The following TTC7B variants were observed in gnomAD, a reference collection of about 807,000 sequenced individuals.
The protein encoded by TTC7B is tetratricopeptide repeat protein 7B.
In TTC7B, 28 loss-of-function variants were observed where a neutral mutation model predicts 106.8. That is an observed-to-expected ratio of 0.26 (90% CI 0.19 to 0.36). The LOEUF (loss-of-function observed/expected upper bound fraction) is 0.36, where lower values mean the gene tolerates loss of function less well. TTC7B is among the 10% of genes least tolerant of loss of function. The pLI is 1.00. For missense variants in TTC7B, 862 were observed against 1,076.4 expected, an observed-to-expected ratio of 0.80 and a Z score of 2.79; for synonymous variants, 405 against 430.6, an observed-to-expected ratio of 0.94 and a Z score of 0.74.
chr14:90,599,660 G>A lies in TTC7B; in HGVS notation c.1967-6034C>T, dbSNP rs144769622. Among the ~76,000 whole-genome samples the A allele has an allele frequency of 8.8e-3, 1,347 of 152,280 alleles. 10 individuals carry two copies. The highest frequency in any genetic ancestry group is 0.015 in the Non-Finnish European group (1,005 of 68,024). On this transcript the variant is annotated intron_variant, in intron 17 of 19. Transcript: ENST00000328459. ...CATTCTTTCTGCCTAATGCTGCAGC[G>A]GCAGACACCTGCCCTCCCCACATTT...
intron 4 of TTC7B, among the ~76,000 whole-genome samples, chr14:90,734,364 G>A (rs1889437212): frequency 6.7e-6 from 1 of 150,346 alleles, no homozygotes; most frequent in South Asian, 2.1e-4. Flanking sequence ...AGAATGCAGT[G>A]AGCCAAGATT....
At chr14:90,556,173 G>T (rs1890296600) in intron 19 of TTC7B, among the ~76,000 whole-genome samples, 1 of 152,238 alleles carries the variant, frequency 6.6e-6, no homozygotes, top group Admixed American at 6.5e-5. Context: ...CGCTGGCTGG[G>T]TGGGGGCCCC....
intron 1 of TTC7B, among the ~76,000 whole-genome samples, chr14:90,790,772 G>A (rs1891560651): frequency 1.3e-5 from 2 of 152,044 alleles, no homozygotes; most frequent in African/African-American, 2.4e-5. Context: ...ACAGACTGTG[G>A]GCTAGAGCTA....
At chr14:90,669,034 A>C (rs1156509960) in intron 9 of TTC7B, among the ~76,000 whole-genome samples, 1 of 152,136 alleles carries the variant, frequency 6.6e-6, no homozygotes, top group African/African-American at 2.4e-5. Context: ...AAAGGAACAG[A>C]ATTAAGATTC....
chr14:90,550,220 A>G (rs1890018575), intron 19 of TTC7B, among the ~76,000 whole-genome samples: 2 of 152,188 alleles, frequency 1.3e-5, no homozygotes, highest in Non-Finnish European at 2.9e-5. Flanking sequence ...ACAAGAGACC[A>G]CCAACCACAG....
chr14:90,721,316 A>G (rs1014981335), intron 5 of TTC7B, among the ~76,000 whole-genome samples: 1 of 152,170 alleles, frequency 6.6e-6, no homozygotes, highest in African/African-American at 2.4e-5. Context: ...TGTGAAGTAC[A>G]CTGAAAGTAA....
rs1179126428 is a variant in TTC7B at position 90,605,833 on chromosome 14, G to A, written c.1966+4909C>T. On this transcript the variant is annotated intron_variant, in intron 17 of 19. Transcript: ENST00000328459. ...GAAACACAAAGAAAAAAATAAACTC[G>A]CTTTTAATATACTCACATAAGCTGC... 8.2e-6 allele frequency: 9 copies of A among 1,092,948 alleles called. No homozygotes were observed. In the South Asian group the frequency reaches 1.0e-4, roughly 12 times the overall value. The allele number at this position is 1,092,948 out of a possible 1,614,324, so 67.7% of individuals were successfully genotyped here. A position where few individuals can be genotyped will look rare whatever the true frequency, so the allele number is the denominator to read the frequency against.
At position 90,525,596 on chromosome 14, in the gene TTC7B, A is replaced by G. The variant is rs1408911861; in HGVS notation, c.*15772T>C. The G allele has an allele frequency of 6.6e-6, 1 of 150,910 alleles. No homozygotes were observed. Among genetic ancestry groups the G allele is most frequent in the African/African-American group, 2.4e-5 (1 of 41,072 alleles). 9.3% of individuals were successfully genotyped at this position (150,910 alleles called of 1,614,324 possible). On this transcript the variant is annotated 3_prime_UTR_variant, in exon 20 of 20. Coordinates refer to ENST00000328459, the MANE Select transcript of TTC7B (RefSeq NM_001010854.2). ...GGGGTCGATCTGTGCAGACGCTGCT[A>G]GTGGTTCCGCAGTCGTCGCTGGGTC...
intron 1 of TTC7B, among the ~76,000 whole-genome samples, chr14:90,791,443 G>A (rs1279763332): frequency 1.3e-5 from 2 of 152,180 alleles, no homozygotes; most frequent in African/African-American, 4.8e-5. Context: ...GTCATTGCCT[G>A]TGGCAGAGTC....
intron 5 of TTC7B, among the ~76,000 whole-genome samples, chr14:90,715,317 T>C (rs1888611518): frequency 6.6e-6 from 1 of 152,206 alleles, no homozygotes; most frequent in Admixed American, 6.5e-5. Context: ...GGGTCTGCTC[T>C]CTAGTCGCTG....
chr14:90,749,692 AC>A (rs1186274004), intron 3 of TTC7B, among the ~76,000 whole-genome samples: 2 of 152,192 alleles, frequency 1.3e-5, no homozygotes, highest in Non-Finnish European at 2.9e-5. Flanking sequence ...GGCATGAGCC[AC>A]CGCACCTGGC....
intron 19 of TTC7B, among the ~76,000 whole-genome samples, chr14:90,561,612 A>G (rs1488639580): frequency 6.6e-6 from 1 of 152,256 alleles, no homozygotes; most frequent in Non-Finnish European, 1.5e-5. Flanking sequence ...TACAGAAAGA[A>G]AAACTGAGGC....
Position 90,802,195 on chromosome 14 carries a change from A to G in TTC7B, c.121+13980T>C, listed in dbSNP as rs2140057566. Among the ~76,000 whole-genome samples the G allele has an allele frequency of 6.6e-6, 1 of 152,250 alleles. No homozygotes were observed. Among genetic ancestry groups the G allele is most frequent in the South Asian group, 2.1e-4 (1 of 4,822 alleles). Reference sequence around the variant, plus strand: ...GCCTCGACGTGAGGCATCTCAGGGGACTGCGGGGTACAAGCCTAACTCACT... The same window carrying G: ...GCCTCGACGTGAGGCATCTCAGGGGGCTGCGGGGTACAAGCCTAACTCACT... On this transcript the variant is annotated intron_variant, in intron 1 of 19. Transcript: ENST00000328459. The surrounding 1 kb of genome is among the most constrained non-coding windows in gnomAD (Gnocchi z 4.7).
chr14:90,712,970 T>C (rs1888505918), intron 5 of TTC7B, among the ~76,000 whole-genome samples: 1 of 152,094 alleles, frequency 6.6e-6, no homozygotes, highest in African/African-American at 2.4e-5. Flanking sequence ...AACCTTTATG[T>C]TTATGTTAAA....
chr14:90,694,975 G>A (rs1887652121), intron 6 of TTC7B, among the ~76,000 whole-genome samples: 2 of 133,128 alleles, frequency 1.5e-5, no homozygotes, highest in Non-Finnish European at 1.6e-5. Flanking sequence ...TATAATATAT[G>A]TCACATATAT....
chr14:90,620,072 G>A (rs575885167), intron 15 of TTC7B, among the ~76,000 whole-genome samples: 9 of 152,128 alleles, frequency 5.9e-5, no homozygotes, highest in African/African-American at 1.7e-4. Context: ...CGCCCCCAGC[G>A]ACCCCTCCAA....
chr14:90,749,492 A>G lies in TTC7B; in HGVS notation c.446-4570T>C, dbSNP rs191929845. 2.1e-3 allele frequency among the ~76,000 whole-genome samples: 297 copies of G among 141,968 alleles called. 5 individuals carry two copies. Among genetic ancestry groups the G allele is most frequent in the African/African-American group, 7.6e-3 (289 of 37,986 alleles). 93.1% of individuals were successfully genotyped at this position (141,968 alleles called of 152,430 possible). ...GCAATCTCAGCTCACTGCAACCTCC[A>G]CCTCCCAGGTTCAAGTGATTCTCCT... On this transcript the variant is annotated intron_variant, in intron 3 of 19. Coordinates refer to ENST00000328459, the MANE Select transcript of TTC7B (RefSeq NM_001010854.2).
In TTC7B at chr14:90,578,297, T is replaced by C. The variant is rs545364336; in HGVS notation, c.2119A>G (p.Ile707Val). 6 of 1,613,948 alleles carry C rather than the reference T, an allele frequency of 3.7e-6. No individual in the cohort carries two copies. In the African/African-American group the frequency reaches 6.7e-5, roughly 18 times the overall value. Reference sequence around the variant, plus strand: ...GCTTCTGCAGGCTTCCCGATGCCGATATAGACTTCAGCTGTGAGGAGACAG... The same window carrying C: ...GCTTCTGCAGGCTTCCCGATGCCGACATAGACTTCAGCTGTGAGGAGACAG... ...QIWLHAAEVYIGIGKPAEATA... is the reference protein window; with the variant it reads ...QIWLHAAEVYVGIGKPAEATA... Residue 707 changes from isoleucine (I) to valine (V), a missense_variant, in exon 19 of 20, where the codon ATC becomes GTC. Ile to Val is a conservative substitution (Grantham distance 29). Transcript: ENST00000328459. This position sits in a 1 kb window ranked among gnomAD's most constrained non-coding sequence, Gnocchi z 4.7.
intron 19 of TTC7B, among the ~76,000 whole-genome samples, chr14:90,553,511 C>T (rs910395829): frequency 2.0e-5 from 3 of 152,166 alleles, no homozygotes; most frequent in Admixed American, 6.5e-5. Flanking sequence ...TTGTGATTTC[C>T]CCGGGCAGCC....
Sources: allele counts gnomAD v4.1 joint callset (sites outside exome capture counted in the v4.1 genomes callset), GRCh38; gene constraint gnomAD v4.1.1; non-coding constraint Gnocchi (gnomAD v3.1); transcripts MANE v1.5; gene names NCBI Gene and HGNC (gene_info 2026-07-23, HGNC 2026-07-21).